Variants in DST observed in about 807,000 individuals in gnomAD.
DST encodes dystonin.
A neutral mutation model predicts 875.2 loss-of-function variants in DST; 253 were observed. The ratio of observed to expected loss-of-function variants is 0.29; its 90% CI spans 0.26 to 0.32. The LOEUF is 0.32. Ranked by LOEUF, DST falls within the 10% of genes least tolerant of loss-of-function variation. The pLI, the probability that DST is intolerant of heterozygous loss-of-function variation, is 1.00. For missense variants in DST, 8,287 were observed against 9,111.6 expected, an observed-to-expected ratio of 0.91 and a Z score of 3.68; for synonymous variants, 3,124 against 3,197.1, an observed-to-expected ratio of 0.98 and a Z score of 0.77.
intron 4 of DST, among the ~76,000 whole-genome samples, chr6:56,847,277 G>A (rs1199719519): frequency 6.6e-6 from 1 of 152,206 alleles, no homozygotes; most frequent in Non-Finnish European, 1.5e-5. Context: ...CTGTGATCAT[G>A]CTAGTGCACT....
intron 3 of DST, among the ~76,000 whole-genome samples, chr6:56,891,543 G>C (rs1592140064): frequency 6.7e-6 from 1 of 148,496 alleles, no homozygotes; most frequent in East Asian, 2.0e-4. Context: ...TCCAGCCTGG[G>C]CGACAGAGTG....
At chr6:56,732,343 C>T (rs2099503304) in intron 5 of DST, among the ~76,000 whole-genome samples, 2 of 151,866 alleles carry the variant, frequency 1.3e-5, no homozygotes, top group South Asian at 2.1e-4. Flanking sequence ...TTTCAAGTAT[C>T]GCTAATTTTG....
chr6:56,903,210 A>C (rs955778269), intron 2 of DST, among the ~76,000 whole-genome samples: 1 of 152,160 alleles, frequency 6.6e-6, no homozygotes, highest in Admixed American at 6.5e-5. Flanking sequence ...TTCTCTTATG[A>C]GTAATAAGCA....
At position 56,601,493 on chromosome 6, in the gene DST, C is replaced by T; in HGVS notation, c.11491G>A (p.Glu3831Lys). ...DVQESVTTQV[E>K]RLETQLHLEQ... Reference sequence around the variant, plus strand: ...AGATGTAACTGAGTCTCTAAACGTTCCACCTGGGTAGTTACTGACTCCTGT... The same window carrying T: ...AGATGTAACTGAGTCTCTAAACGTTTCACCTGGGTAGTTACTGACTCCTGT... The change falls in exon 44 of 104, where the codon GAA (glutamate) becomes AAA (lysine). Residue 3831 changes from glutamate to lysine, a missense_variant. Around this residue, in one of 10 missense-constraint regions of DST, gnomAD observed 3,138 missense variants for 3,116.6 expected, o/e 1.01. Coordinates refer to ENST00000680361, the MANE Select transcript of DST (RefSeq NM_001374736.1). 1 of 1,605,916 alleles carries T rather than the reference C, an allele frequency of 6.2e-7. No homozygotes were observed. The highest frequency in any genetic ancestry group is 1.1e-5 in the South Asian group (1 of 89,726).
At chr6:56,665,230 T>A (rs769299861) in intron 10 of DST, among the ~76,000 whole-genome samples, 1 of 152,204 alleles carries the variant, frequency 6.6e-6, no homozygotes, top group Non-Finnish European at 1.5e-5. Flanking sequence ...CAAGTTAAAC[T>A]CTAAGGCTAA....
intron 5 of DST, among the ~76,000 whole-genome samples, chr6:56,711,424 T>C (rs1267399219): frequency 6.6e-6 from 1 of 152,160 alleles, no homozygotes; most frequent in East Asian, 1.9e-4. Context: ...GGTTTGAGTT[T>C]AGGTCTCTAT....
intron 83 of DST, 31 bp from the exon 84 acceptor site, chr6:56,493,120 T>TTTA: frequency 6.3e-7 from 1 of 1,581,376 alleles, no homozygotes; most frequent in Non-Finnish European, 8.6e-7. Context: ...GTATGTGATG[T>TTTA]TTAAGGGCCT....
At chr6:56,794,907 C>T (rs746829191) in intron 4 of DST, among the ~76,000 whole-genome samples, 17 of 152,172 alleles carry the variant, frequency 1.1e-4, no homozygotes, top group Admixed American at 2.0e-4. Flanking sequence ...GGAGTTCCCC[C>T]ACTGCAATGA....
Position 56,606,862 on chromosome 6 carries a change from T to C in DST, c.7766A>G (p.Asp2589Gly). ...PLLDETISAS[D>G]YETSLLNDQQ... Reference sequence around the variant, plus strand: ...ATCATTCAGCAGTGACGTTTCATAGTCACTAGCACTGATGGTTTCATCAAG... The same window carrying C: ...ATCATTCAGCAGTGACGTTTCATAGCCACTAGCACTGATGGTTTCATCAAG... The change falls in exon 40 of 104, where the codon GAC (aspartate) becomes GGC (glycine). Residue 2589 changes from aspartate to glycine, a missense_variant. Transcript: ENST00000680361. 1 of 1,613,344 alleles carries C rather than the reference T, an allele frequency of 6.2e-7. No individual in the cohort carries two copies.
chr6:56,879,265 G>A (rs555472398), intron 3 of DST, among the ~76,000 whole-genome samples: 123 of 152,040 alleles, frequency 8.1e-4, no homozygotes, highest in African/African-American at 2.4e-3. Context: ...TCAGGAGATC[G>A]AGACCATCCT....
chr6:56,463,698 A>G lies in DST; in HGVS notation c.22826T>C (p.Met7609Thr), dbSNP rs755415384. The change falls in exon 101 of 104, where the codon ATG becomes ACG. Residue 7609 changes from methionine to threonine, a missense_variant. Physicochemically the swap from Met to Thr is moderately conservative, Grantham distance 81 (BLOSUM62 -1). This residue lies in a region of DST where 64 missense variants were observed against 86.2 expected (regional missense o/e 0.74). Transcript: ENST00000680361. ...FILADGASQG[M>T]AAFRPRGRRS... ...TCGGCCTCGGGGTCGGAAAGCAGCC[A>G]TACCCTGGCTGGCACCATCTGCTAA... 4.3e-6 allele frequency: 7 copies of G among 1,614,022 alleles called. No homozygotes were observed. Among genetic ancestry groups the G allele is most frequent in the Admixed American group, 1.7e-5 (1 of 60,024 alleles).
intron 71 of DST, among the ~76,000 whole-genome samples, chr6:56,516,618 G>A (rs963255036): frequency 2.0e-5 from 3 of 152,088 alleles, no homozygotes; most frequent in Non-Finnish European, 4.4e-5. Context: ...GCATGAATAT[G>A]CATCAATTTC....
intron 83 of DST, among the ~76,000 whole-genome samples, 178 bp from the exon 84 acceptor site, chr6:56,493,267 CA>C (rs1456514768): frequency 6.6e-6 from 1 of 151,788 alleles, no homozygotes; most frequent in East Asian, 1.9e-4. Flanking sequence ...ACTGGCAAAC[CA>C]AAACCCTTTA....
intron 90 of DST, 90 bp from the exon 91 acceptor site, chr6:56,477,578 A>C (rs1275907117): frequency 6.5e-7 from 1 of 1,526,902 alleles, no homozygotes; most frequent in Non-Finnish European, 9.0e-7. Flanking sequence ...GAATTAAACA[A>C]ATAAACAAAA....
intron 69 of DST, among the ~76,000 whole-genome samples, chr6:56,520,649 G>A (rs960072078): frequency 2.6e-5 from 4 of 151,892 alleles, no homozygotes; most frequent in African/African-American, 9.7e-5. Flanking sequence ...TTGTATACGT[G>A]TATCAAAATA....
chr6:56,864,950 T>C (rs1773201437), intron 3 of DST, among the ~76,000 whole-genome samples: 1 of 152,178 alleles, frequency 6.6e-6, no homozygotes, highest in Non-Finnish European at 1.5e-5. Flanking sequence ...AAACTACCCA[T>C]GGATGAAAAA....
rs1012268583 is a variant in DST at position 56,501,611 on chromosome 6, G to A, written c.19649C>T (p.Thr6550Ile). The A allele has an allele frequency of 1.9e-6, 3 of 1,608,476 alleles. No individual in the cohort carries two copies. Among genetic ancestry groups the A allele is most frequent in the African/African-American group, 2.7e-5 (2 of 74,590 alleles). Residue 6550 changes from threonine to isoleucine, a missense_variant, in exon 79 of 104, where the codon ACA becomes ATA. Physicochemically the swap from Thr to Ile is moderately conservative, Grantham distance 89. This residue lies in a region of DST where 1,292 missense variants were observed against 1,552.7 expected (regional missense o/e 0.83). Transcript: ENST00000680361. ...AACAGTGTGTTTGTCACTCTCTTCTGTTACTTTCTTTAGCAAAAGCTCTGC... is the reference window on the plus strand; with the variant it reads ...AACAGTGTGTTTGTCACTCTCTTCTATTACTTTCTTTAGCAAAAGCTCTGC... ...HQAELLLKKV[T>I]EESDKHTVQD... is the part of the protein sequence containing the mutation.
intron 89 of DST, 127 bp downstream of exon 89, chr6:56,482,556 T>C (rs547140149): frequency 3.7e-4 from 329 of 888,246 alleles, no homozygotes; most frequent in Non-Finnish European, 5.0e-4. Context: ...ATGTTGCTAT[T>C]AGAATTTCCT....
At chr6:56,906,546 G>A (rs1007246796) in intron 2 of DST, among the ~76,000 whole-genome samples, 2 of 151,992 alleles carry the variant, frequency 1.3e-5, no homozygotes, top group African/African-American at 4.8e-5. Context: ...TATTAGGGTG[G>A]GGTAATCAGC....
Sources: gnomAD v4.1 joint callset for allele counts (sites outside exome capture counted in the v4.1 genomes callset) on GRCh38, gnomAD v4.1.1 for gene constraint, gnomAD v4.1.1 regional missense constraint, MANE v1.5 for transcripts, NCBI Gene and HGNC (gene_info 2026-07-23, HGNC 2026-07-21) for gene names.